The following CHAF1A variants were observed in gnomAD, a reference collection of about 807,000 sequenced individuals.
CHAF1A encodes CAF-1 subunit A.
Under a neutral mutation model 93.2 loss-of-function variants are expected in CHAF1A, and 5 were observed. The observed-to-expected ratio is 0.05, with a 90% CI of 0.03 to 0.11. The LOEUF (loss-of-function observed/expected upper bound fraction) is 0.11. Ranked by LOEUF, CHAF1A falls within the 10% of genes least tolerant of loss-of-function variation. The pLI, the probability that CHAF1A is intolerant of heterozygous loss-of-function variation, is 1.00. For synonymous variants in CHAF1A, 504 were observed against 510.3 expected (o/e 0.99, Z 0.17); for missense variants, 1,102 against 1,259.9 (o/e 0.87, Z 1.90).
At chr19:4,413,676 T>C (rs1160707837) in intron 3 of CHAF1A, among the ~76,000 whole-genome samples, 1 of 152,218 alleles carries the variant, frequency 6.6e-6, no homozygotes, top group African/African-American at 2.4e-5. Context: ...TTATTTCTTC[T>C]TTAAAATAAA....
chr19:4,446,600 G>A (rs558461737), downstream of CHAF1A: 69 of 1,612,608 alleles, frequency 4.3e-5, no homozygotes, highest in South Asian at 2.1e-4. Context: ...AAGACGCGGC[G>A]CTGCCTGTCC....
chr19:4,447,525 C>T (rs1320362451), downstream of CHAF1A: 8 of 1,612,536 alleles, frequency 5.0e-6, no homozygotes, highest in Non-Finnish European at 6.8e-6. Context: ...CAGCCTGGGC[C>T]CCGGGGGCCA....
chr19:4,409,013 T>C lies in CHAF1A; in HGVS notation c.214T>C (p.Leu72=), dbSNP rs113787645. Residue 72 remains leucine (L), a synonymous_variant, in exon 3 of 15, where the codon TTG becomes CTG. Coordinates refer to ENST00000301280, the MANE Select transcript of CHAF1A (RefSeq NM_005483.3). ...QSKSPDLEAS[L]DTLENNCHVG... ...TAAAAGCCCCGATTTAGAGGCCTCT[T>C]TGGACACCTTGGAAAACAACTGTCA... 6.2e-7 allele frequency: 1 copy of C among 1,614,140 alleles called. No homozygotes were observed. The highest frequency in any genetic ancestry group is 8.5e-7 in the Non-Finnish European group (1 of 1,180,034).
rs751877293 is a variant in CHAF1A, at chr19:4,429,808, G to T, written c.1854+20G>T. ...GAGGGGGTAAGGATGTGCCCCAGCT[G>T]TCTTCACTCACAGACGGCTTGTGTT... On this transcript the variant is annotated intron_variant, in intron 10 of 14. Transcript: ENST00000301280. The T allele has an allele frequency of 1.2e-6, 2 of 1,601,258 alleles. No homozygotes were observed. The highest frequency in any genetic ancestry group is 3.4e-5 in the Admixed American group (2 of 58,736).
At chr19:4,432,652 C>CA (rs1974207106) in intron 12 of CHAF1A, among the ~76,000 whole-genome samples, 1 of 151,534 alleles carries the variant, frequency 6.6e-6, no homozygotes, top group Admixed American at 6.6e-5. Flanking sequence ...CCCAGCTACT[C>CA]AAGAGGCTGA....
intron 3 of CHAF1A, among the ~76,000 whole-genome samples, chr19:4,413,004 A>G (rs545107924): frequency 2.0e-5 from 3 of 152,184 alleles, no homozygotes; most frequent in South Asian, 4.1e-4. Flanking sequence ...TTATCTCCGA[A>G]CCTTTAAGGA....
rs1454051958 is a variant in CHAF1A at position 4,443,086 on chromosome 19, C to A, written c.*61C>A. ...CCTCCCCACAGAGCAGATACTTGAA[C>A]CGACTCAATTCCTGTGTAAAGAGCA... On this transcript the variant is annotated 3_prime_UTR_variant, in exon 15 of 15. Transcript: ENST00000301280. The A allele has an allele frequency of 6.4e-6, 7 of 1,089,644 alleles. No homozygotes were observed. The Admixed American group carries it at 9.9e-5, about 15-fold the overall frequency. The allele number at this position is 1,089,644 out of a possible 1,614,324, so 67.5% of individuals were successfully genotyped here.
chr19:4,442,104 A>G, intron 13 of CHAF1A, 141 bp from the exon 14 acceptor site: 1 of 660,524 alleles, frequency 1.5e-6, no homozygotes, highest in Non-Finnish European at 2.7e-6. Flanking sequence ...TTTGTTACCA[A>G]ATTGGGTTCT....
In CHAF1A at chr19:4,402,697, C is replaced by G. The variant is rs914288498; in HGVS notation, c.-66C>G. On this transcript the variant is annotated 5_prime_UTR_variant, in exon 1 of 15. Coordinates refer to ENST00000301280, the MANE Select transcript of CHAF1A (RefSeq NM_005483.3). ...GCGGCGCGGGCGGGAGGGCGAAGAG[C>G]AGCGGCCGCCTGAGGGGAGCCCGCG... is the stretch of plus-strand genomic sequence containing the variant. The G allele has an allele frequency of 1.9e-6, 2 of 1,047,372 alleles. No individual in the cohort carries two copies. Among genetic ancestry groups the G allele is most frequent in the South Asian group, 4.7e-5 (1 of 21,286 alleles). The allele number at this position is 1,047,372 out of a possible 1,614,324, so 64.9% of individuals were successfully genotyped here. A position where few individuals can be genotyped will look rare whatever the true frequency, so the allele number is the denominator to read the frequency against.
Position 4,437,921 on chromosome 19 carries a change from T to G in CHAF1A, c.2674-4324T>G, listed in dbSNP as rs530145585. 2.0e-5 allele frequency among the ~76,000 whole-genome samples: 3 copies of G among 151,936 alleles called. No homozygotes were observed. In the South Asian group the frequency reaches 6.2e-4, roughly 32 times the overall value. ...CGCCCAGCTAATTTTTTGTATTTTT[T>G]TAGTAGAGACGGGGTTTCACTGTGT... On this transcript the variant is annotated intron_variant, in intron 13 of 14. Transcript: ENST00000301280.
intron 10 of CHAF1A, 85 bp downstream of exon 10, chr19:4,429,873 C>A: frequency 8.3e-7 from 1 of 1,198,584 alleles, no homozygotes; most frequent in South Asian, 1.4e-5. Context: ...GGATGCAGCC[C>A]AGCTGTGTTC....
chr19:4,404,027 G>A (rs937314915), intron 1 of CHAF1A, among the ~76,000 whole-genome samples: 18 of 151,374 alleles, frequency 1.2e-4, no homozygotes, highest in African/African-American at 3.6e-4. Context: ...CACCATGTTG[G>A]GCAGGCTGGT....
chr19:4,404,045 T>G (rs1323053907), intron 1 of CHAF1A, among the ~76,000 whole-genome samples: 1 of 151,988 alleles, frequency 6.6e-6, no homozygotes, highest in Admixed American at 6.6e-5. Flanking sequence ...GGTCTCGAAC[T>G]TCTGACCTCA....
At chr19:4,447,711 T>G, downstream of CHAF1A, 2 of 1,367,772 alleles carry the variant, frequency 1.5e-6, no homozygotes, top group Non-Finnish European at 2.1e-6. Flanking sequence ...TAACAGCAGC[T>G]CAGCCACACT....
intron 3 of CHAF1A, among the ~76,000 whole-genome samples, chr19:4,411,328 C>G (rs185787893): frequency 1.6e-4 from 24 of 152,244 alleles, no homozygotes; most frequent in Non-Finnish European, 1.9e-4. Flanking sequence ...CTCTTGGGTT[C>G]AAGCAATTCT....
Position 4,422,846 on chromosome 19 carries a change from C to A in CHAF1A, c.1247+51C>A, listed in dbSNP as rs775189849. 1.3e-6 allele frequency: 2 copies of A among 1,544,320 alleles called. No homozygotes were observed. The highest frequency in any genetic ancestry group is 1.8e-6 in the Non-Finnish European group (2 of 1,123,270). ...GGCCCGCCACCCTGCTGCTGGATTC[C>A]GCTCCTGGCCACTCTGATGGGGCCT... On this transcript the variant is annotated intron_variant, in intron 5 of 14. Coordinates refer to ENST00000301280, the MANE Select transcript of CHAF1A (RefSeq NM_005483.3). The surrounding 1 kb of genome is among the most constrained non-coding windows in gnomAD (Gnocchi z 4.6).
Position 4,441,642 on chromosome 19 carries a change from C to CA in CHAF1A, c.2674-602dup, listed in dbSNP as rs1974390877. On this transcript the variant is annotated intron_variant, in intron 13 of 14. Coordinates refer to ENST00000301280, the MANE Select transcript of CHAF1A (RefSeq NM_005483.3). ...AAAATAAAGGCCAGGCATGGTGGCT[C>CA]ACACCTGTAATCCCAGCACTTTGGG... Among the ~76,000 whole-genome samples the CA allele has an allele frequency of 2.6e-5, 4 of 151,180 alleles. No homozygotes were observed. The South Asian group carries it at 8.4e-4, about 32-fold the overall frequency.
At chr19:4,418,479 G>A (rs947506936) in intron 4 of CHAF1A, among the ~76,000 whole-genome samples, 7 of 144,136 alleles carry the variant, frequency 4.9e-5, no homozygotes, top group Admixed American at 7.4e-5. Flanking sequence ...GCAGTGGTGC[G>A]ATCTCGGCTC....
chr19:4,441,593 G>A (rs1244642594), intron 13 of CHAF1A, among the ~76,000 whole-genome samples: 1 of 151,778 alleles, frequency 6.6e-6, no homozygotes, highest in Non-Finnish European at 1.5e-5. Flanking sequence ...CAGTGACAGA[G>A]TGAAACTCCC....
Sources: gnomAD v4.1 joint callset for allele counts (sites outside exome capture counted in the v4.1 genomes callset) on GRCh38, gnomAD v4.1.1 for gene constraint, Gnocchi (gnomAD v3.1) non-coding constraint, MANE v1.5 for transcripts, NCBI Gene and HGNC (gene_info 2026-07-23, HGNC 2026-07-21) for gene names.